Variants in DTNBP1 observed in about 807,000 individuals in gnomAD.
The protein encoded by DTNBP1 is dystrobrevin binding protein 1, also known as dysbindin.
Under a neutral mutation model 42.8 loss-of-function variants are expected in DTNBP1, and 35 were observed. The ratio of observed to expected loss-of-function variants is 0.82; its 90% CI spans 0.63 to 1.09. The LOEUF is 1.09. DTNBP1 is among the 50% of genes least tolerant of loss of function. The pLI is 0.00. For missense variants in DTNBP1, 457 were observed against 424.2 expected (o/e 1.08, Z -0.68); for synonymous variants, 171 against 162.2 (o/e 1.05, Z -0.41).
intron 8 of DTNBP1, among the ~76,000 whole-genome samples, chr6:15,527,702 A>C (rs545658820): frequency 6.6e-6 from 1 of 152,314 alleles, no homozygotes; most frequent in Admixed American, 6.5e-5. Flanking sequence ...AAAAAAGCTT[A>C]AAAATGGTTA....
At chr6:15,526,477 G>A (rs529644720) in intron 8 of DTNBP1, among the ~76,000 whole-genome samples, 7 of 152,310 alleles carry the variant, frequency 4.6e-5, no homozygotes, top group African/African-American at 1.7e-4. Flanking sequence ...TGAATGAGAG[G>A]TAAGAGTAAT....
chr6:15,608,479 T>C (rs546874534), intron 6 of DTNBP1, among the ~76,000 whole-genome samples: 3 of 152,228 alleles, frequency 2.0e-5, no homozygotes, highest in Non-Finnish European at 4.4e-5. Flanking sequence ...CCTGTCCCAA[T>C]ATGAATTGCT....
At chr6:15,640,756 C>A (rs1760296212) in intron 3 of DTNBP1, among the ~76,000 whole-genome samples, 1 of 152,136 alleles carries the variant, frequency 6.6e-6, no homozygotes, top group African/African-American at 2.4e-5. Context: ...TCTGATGTAA[C>A]TATTTTGGGA....
intron 6 of DTNBP1, among the ~76,000 whole-genome samples, chr6:15,611,083 C>T (rs1394179960): frequency 1.3e-5 from 2 of 152,234 alleles, no homozygotes; most frequent in Non-Finnish European, 2.9e-5. Context: ...TGCCTGGCTT[C>T]AAACCTTCAA....
intron 7 of DTNBP1, among the ~76,000 whole-genome samples, chr6:15,556,184 T>A (rs1774507611): frequency 7.2e-6 from 1 of 138,080 alleles, no homozygotes. Context: ...TTAAAAAATC[T>A]TTTTTTTTTT....
Position 15,572,407 on chromosome 6 carries a change from G to A in DTNBP1, c.511+20652C>T, listed in dbSNP as rs117585772. On this transcript the variant is annotated intron_variant, in intron 7 of 9. Coordinates refer to ENST00000344537, the MANE Select transcript of DTNBP1 (RefSeq NM_032122.5). The stretch of plus-strand genomic sequence containing the variant: ...ACAGAAAACTCAGTTCTGTAACATG[G>A]AGAGGTTTCAACTTGATTTTTCTGT... 4.9e-4 allele frequency among the ~76,000 whole-genome samples: 75 copies of A among 152,306 alleles called. No individual in the cohort carries two copies. In the East Asian group the frequency reaches 0.013, roughly 27 times the overall value.
chr6:15,573,499 T>A (rs1775425923), intron 7 of DTNBP1, among the ~76,000 whole-genome samples: 1 of 152,098 alleles, frequency 6.6e-6, no homozygotes, highest in South Asian at 2.1e-4. Flanking sequence ...CCAGCACTAT[T>A]TTAAAAGACA....
At chr6:15,593,871 C>T (rs1386700232) in intron 6 of DTNBP1, among the ~76,000 whole-genome samples, 1 of 152,062 alleles carries the variant, frequency 6.6e-6, no homozygotes, top group Non-Finnish European at 1.5e-5. Context: ...TTTGTACTTG[C>T]AGTCCAGGTT....
intron 7 of DTNBP1, among the ~76,000 whole-genome samples, chr6:15,589,931 T>A (rs1056564142): frequency 6.6e-6 from 1 of 152,152 alleles, no homozygotes; most frequent in Non-Finnish European, 1.5e-5. Flanking sequence ...TAACTACTCA[T>A]ACACTTCTTT....
intron 6 of DTNBP1, among the ~76,000 whole-genome samples, chr6:15,609,720 T>C (rs1055873200): frequency 2.0e-5 from 3 of 152,228 alleles, no homozygotes; most frequent in African/African-American, 4.8e-5. Flanking sequence ...GTTGTTTTCA[T>C]TTTGGAAGCT....
At chr6:15,632,947 T>TTA (rs968442694) in intron 4 of DTNBP1, among the ~76,000 whole-genome samples, 2 of 152,202 alleles carry the variant, frequency 1.3e-5, no homozygotes, top group Admixed American at 6.5e-5. Flanking sequence ...ATAGCAAGTT[T>TTA]TATATATATA....
At position 15,662,090 on chromosome 6, in the gene DTNBP1, G is replaced by T. The variant is rs139319306; in HGVS notation, c.56+724C>A. ...CTCCAGGCACTCTGGTCAACAGGTA[G>T]GGGGTGAGACCTGGGCATCAGAACT... On this transcript the variant is annotated intron_variant, in intron 1 of 9. Coordinates refer to ENST00000344537, the MANE Select transcript of DTNBP1 (RefSeq NM_032122.5). Among the ~76,000 whole-genome samples, 585 of 152,340 alleles carry T rather than the reference G, an allele frequency of 3.8e-3. 4 individuals carry two copies. Among genetic ancestry groups the T allele is most frequent in the Non-Finnish European group, 4.5e-3 (305 of 68,020 alleles).
intron 7 of DTNBP1, among the ~76,000 whole-genome samples, chr6:15,559,811 C>G (rs1429396597): frequency 6.6e-6 from 1 of 152,190 alleles, no homozygotes; most frequent in Non-Finnish European, 1.5e-5. Context: ...GCCATATTCA[C>G]TTGACCTCTC....
intron 6 of DTNBP1, among the ~76,000 whole-genome samples, chr6:15,608,930 A>G (rs765248410): frequency 7.9e-5 from 12 of 152,284 alleles, no homozygotes; most frequent in Non-Finnish European, 1.3e-4. Context: ...CGGGCACTTC[A>G]TGGGCTCTTT....
chr6:15,644,667 G>A (rs1173856903), intron 3 of DTNBP1, among the ~76,000 whole-genome samples: 1 of 151,944 alleles, frequency 6.6e-6, no homozygotes, highest in African/African-American at 2.4e-5. Context: ...TAAACAACCT[G>A]CTCCTGAATG....
intron 7 of DTNBP1, among the ~76,000 whole-genome samples, chr6:15,585,292 C>A (rs931891509): frequency 3.6e-4 from 54 of 151,140 alleles, no homozygotes; most frequent in African/African-American, 1.2e-3. Context: ...GCAAGGGATG[C>A]CGAATTAGTT....
At chr6:15,585,781 G>C (rs767401407) in intron 7 of DTNBP1, 5 of 1,532,390 alleles carry the variant, frequency 3.3e-6, no homozygotes, top group East Asian at 2.5e-5. Flanking sequence ...ACCTGAAGGA[G>C]TGAACAGAAG....
chr6:15,626,515 T>A (rs1168339317), intron 5 of DTNBP1, among the ~76,000 whole-genome samples: 1 of 152,112 alleles, frequency 6.6e-6, no homozygotes, highest in Non-Finnish European at 1.5e-5. Context: ...CTAAAACAGG[T>A]TATTAGCTCA....
At chr6:15,527,601 G>C (rs1772494275) in intron 8 of DTNBP1, among the ~76,000 whole-genome samples, 1 of 152,008 alleles carries the variant, frequency 6.6e-6, no homozygotes, top group Non-Finnish European at 1.5e-5. Flanking sequence ...TATTCAACTT[G>C]GGTTAGAAAA....
Sources: allele counts gnomAD v4.1 joint callset (sites outside exome capture counted in the v4.1 genomes callset), GRCh38; gene constraint gnomAD v4.1.1; transcripts MANE v1.5; gene names NCBI Gene and HGNC (gene_info 2026-07-23, HGNC 2026-07-21).